Variants in AKR1A1 observed in about 807,000 individuals in gnomAD.
AKR1A1 encodes HEL-S-165mP.
In AKR1A1, 26 loss-of-function variants were observed where a neutral mutation model predicts 39.2. The ratio of observed to expected loss-of-function variants is 0.66; its 90% CI spans 0.49 to 0.92. The LOEUF is 0.92. Ranked by LOEUF, AKR1A1 falls within the 40% of genes least tolerant of loss-of-function variation. AKR1A1 has a pLI of 0.00. For missense variants in AKR1A1, 378 were observed against 406.5 expected (o/e 0.93, Z 0.60); for synonymous variants, 141 against 155.5 (o/e 0.91, Z 0.69).
chr1:45,567,150 A>C, intron 4 of AKR1A1, 130 bp downstream of exon 4: 1 of 1,285,860 alleles, frequency 7.8e-7, no homozygotes, highest in African/African-American at 1.5e-5. Flanking sequence ...GGAGCTTGAC[A>C]TGGGATCTTA....
In AKR1A1 at chr1:45,566,716, G is replaced by A. The variant is rs779553305; in HGVS notation, c.204+28G>A. 1.9e-6 allele frequency: 3 copies of A among 1,612,116 alleles called. No homozygotes were observed. The South Asian group carries it at 3.3e-5, about 18-fold the overall frequency. Reference sequence around the variant, plus strand: ...AAGGACTGGGGTTGTAAATAGAGGTGGGATAAGAGAACTTAGAAGCTGAAG... The same window carrying A: ...AAGGACTGGGGTTGTAAATAGAGGTAGGATAAGAGAACTTAGAAGCTGAAG... On this transcript the variant is annotated intron_variant, in intron 3 of 8. Coordinates refer to ENST00000351829, the MANE Select transcript of AKR1A1 (RefSeq NM_153326.3).
chr1:45,566,453 G>A, intron 2 of AKR1A1, 116 bp from the exon 3 acceptor site: 2 of 1,469,630 alleles, frequency 1.4e-6, no homozygotes, highest in Non-Finnish European at 9.2e-7. Flanking sequence ...CACCTCCACT[G>A]CATAGATGTG....
chr1:45,567,053 A>G lies in AKR1A1; in HGVS notation c.356+33A>G. 3.1e-6 allele frequency: 5 copies of G among 1,608,204 alleles called. No homozygotes were observed. In the South Asian group the frequency reaches 4.4e-5, roughly 14 times the overall value. On this transcript the variant is annotated intron_variant, in intron 4 of 8. Transcript: ENST00000351829. ...TTGCCAGAGCCTCATCTGGGGAATC[A>G]GGGGGTTGAGCAGGATGGTGTTAGT...
chr1:45,556,383 A>T (rs559703953), intron 1 of AKR1A1, among the ~76,000 whole-genome samples: 18 of 150,914 alleles, frequency 1.2e-4, no homozygotes, highest in African/African-American at 4.1e-4. Context: ...AGTTTGAGAC[A>T]AGCCTACCCA....
chr1:45,566,347 C>G (rs1260020476), intron 2 of AKR1A1, among the ~76,000 whole-genome samples: 2 of 151,846 alleles, frequency 1.3e-5, no homozygotes, highest in Non-Finnish European at 2.9e-5. Context: ...AGGCTGGTCT[C>G]GAACTCCTGA....
intron 1 of AKR1A1, among the ~76,000 whole-genome samples, chr1:45,559,849 T>C (rs959791107): frequency 3.9e-5 from 6 of 151,966 alleles, no homozygotes; most frequent in African/African-American, 9.7e-5. Context: ...GGTTTCGCTA[T>C]GTTGACCAGG....
chr1:45,552,416 T>C (rs2148287239), intron 1 of AKR1A1: 1 of 151,960 alleles, frequency 6.6e-6, no homozygotes, highest in South Asian at 2.1e-4. Flanking sequence ...GTAGAGACAG[T>C]GTTTCCTTTT....
At chr1:45,568,808 A>G (rs1454348509) in intron 6 of AKR1A1, 119 bp from the exon 7 acceptor site, 3 of 1,517,280 alleles carry the variant, frequency 2.0e-6, no homozygotes, top group Middle Eastern at 2.2e-4. Flanking sequence ...CACTGTAGGC[A>G]TATTTCCCAT....
intron 1 of AKR1A1, among the ~76,000 whole-genome samples, chr1:45,553,535 A>G (rs1432684722): frequency 6.6e-6 from 1 of 152,226 alleles, no homozygotes; most frequent in Non-Finnish European, 1.5e-5. Context: ...ACATACATCA[A>G]GAAGTACAGG....
intron 1 of AKR1A1, among the ~76,000 whole-genome samples, chr1:45,555,214 G>T: frequency 6.6e-6 from 1 of 152,312 alleles, no homozygotes. Context: ...TAGGCCGGGC[G>T]TGGTAGCTCA....
intron 4 of AKR1A1, chr1:45,567,690 G>C (rs1364671085): frequency 4.4e-6 from 1 of 225,770 alleles, no homozygotes; most frequent in Admixed American, 5.1e-5. Context: ...AGCTGCGCGT[G>C]GTGGTGAGCG....
At position 45,569,194 on chromosome 1, in the gene AKR1A1, A is replaced by G; in HGVS notation, c.877A>G (p.Asn293Asp). ...PEEMKQLNAL[N>D]KNWRYIVPML... ...AGAGATGAAGCAGCTAAATGCCCTG[A>G]ACAAAAATTGGAGATATATTGTGCC... Residue 293 changes from asparagine to aspartate, a missense_variant, in exon 8 of 9, where the codon AAC (asparagine) becomes GAC (aspartate). Transcript: ENST00000351829. 6.2e-7 allele frequency: 1 copy of G among 1,614,184 alleles called. No individual in the cohort carries two copies. Among genetic ancestry groups the G allele is most frequent in the South Asian group, 1.1e-5 (1 of 91,078 alleles).
intron 2 of AKR1A1, among the ~76,000 whole-genome samples, chr1:45,564,327 C>T (rs1374472693): frequency 1.3e-5 from 2 of 152,064 alleles, no homozygotes; most frequent in Non-Finnish European, 1.5e-5. Flanking sequence ...GGAAGTACGT[C>T]GGCACCCGGG....
intron 2 of AKR1A1, among the ~76,000 whole-genome samples, chr1:45,564,752 CATCT>C (rs1338309691): frequency 6.6e-6 from 1 of 150,706 alleles, no homozygotes; most frequent in Non-Finnish European, 1.5e-5. Context: ...TCTATTTATC[CATCT>C]GTCTTCTGAT....
intron 1 of AKR1A1, among the ~76,000 whole-genome samples, chr1:45,557,086 A>T (rs1234866023): frequency 6.6e-6 from 1 of 151,778 alleles, no homozygotes; most frequent in Non-Finnish European, 1.5e-5. Context: ...GCTACTGGGG[A>T]GGCTGAGGCA....
At chr1:45,565,023 C>T (rs1385058069) in intron 2 of AKR1A1, among the ~76,000 whole-genome samples, 2 of 151,190 alleles carry the variant, frequency 1.3e-5, no homozygotes, top group East Asian at 1.9e-4. Flanking sequence ...GGTGTTTCAC[C>T]GTGTTAGCCA....
chr1:45,566,876 C>G lies in AKR1A1; in HGVS notation c.212C>G (p.Pro71Arg), dbSNP rs757878774. The change falls in exon 4 of 9, where the codon CCT becomes CGT. Residue 71 changes from proline to arginine, a missense_variant. Pro to Arg is a moderately radical substitution (Grantham distance 103, BLOSUM62 -2). Coordinates refer to ENST00000351829, the MANE Select transcript of AKR1A1 (RefSeq NM_153326.3). Reference sequence around the variant, plus strand: ...CCCTGCCCCCTGCACTAGGCGGTGCCTCGGGAGGAGCTGTTTGTGACATCC... The same window carrying G: ...CCCTGCCCCCTGCACTAGGCGGTGCGTCGGGAGGAGCTGTTTGTGACATCC... ...KEDVGPGKAVPREELFVTSKL... is the reference protein window; with the variant it reads ...KEDVGPGKAVRREELFVTSKL... The G allele has an allele frequency of 5.6e-6, 9 of 1,613,822 alleles. No individual in the cohort carries two copies. The highest frequency in any genetic ancestry group is 7.6e-6 in the Non-Finnish European group (9 of 1,179,950).
chr1:45,569,078 G>A, intron 7 of AKR1A1, 65 bp from the exon 8 acceptor site: 4 of 1,604,118 alleles, frequency 2.5e-6, no homozygotes, highest in Non-Finnish European at 2.6e-6. Context: ...TAAAAAGGCA[G>A]TGTTGTGGAA....
intron 2 of AKR1A1, among the ~76,000 whole-genome samples, chr1:45,566,325 C>T (rs1234423935): frequency 1.3e-5 from 2 of 151,948 alleles, no homozygotes; most frequent in African/African-American, 4.8e-5. Context: ...CCAGGCTGAC[C>T]TCCAGCTGGC....
Sources: gnomAD v4.1 joint callset for allele counts (sites outside exome capture counted in the v4.1 genomes callset) on GRCh38, gnomAD v4.1.1 for gene constraint, MANE v1.5 for transcripts, NCBI Gene and HGNC (gene_info 2026-07-23, HGNC 2026-07-21) for gene names.